Variants in ZFPM1 observed in about 807,000 individuals in gnomAD.
The protein encoded by ZFPM1 is zinc finger protein, FOG family member 1.
Under a neutral mutation model 46.3 loss-of-function variants are expected in ZFPM1, and 28 were observed. The ratio of observed to expected loss-of-function variants is 0.60; its 90% CI spans 0.45 to 0.83. The LOEUF (loss-of-function observed/expected upper bound fraction) is 0.83. Among genes scored for constraint, ZFPM1 ranks in the 40% least tolerant of loss-of-function variants. ZFPM1 has a pLI of 0.00. For missense variants in ZFPM1, 1,878 were observed against 1,432.4 expected (o/e 1.31, Z -5.02); for synonymous variants, 957 against 675.9 (o/e 1.42, Z -6.45).
intron 4 of ZFPM1, among the ~76,000 whole-genome samples, chr16:88,524,736 CCCCT>C (rs969156183): frequency 9.8e-5 from 15 of 152,302 alleles, no homozygotes; most frequent in African/African-American, 3.4e-4. Flanking sequence ...AGGACTGACC[CCCCT>C]GAGACTGCCC....
At position 88,535,000 on chromosome 16, in the gene ZFPM1, G is replaced by A. The variant is rs1468818412; in HGVS notation, c.*21G>A. 4 of 1,382,120 alleles carry A rather than the reference G, an allele frequency of 2.9e-6. No individual in the cohort carries two copies. In the Admixed American group the frequency reaches 9.8e-5, roughly 34 times the overall value. The allele number at this position is 1,382,120 out of a possible 1,614,324, so 85.6% of individuals were successfully genotyped here. ...AGTGAGCGCCCACACTACAGCCGCA[G>A]ACGCTTTGCACGCCCCGCTGCGATG... On this transcript the variant is annotated 3_prime_UTR_variant, in exon 10 of 10. Coordinates refer to ENST00000319555, the MANE Select transcript of ZFPM1 (RefSeq NM_153813.3).
intron 1 of ZFPM1, among the ~76,000 whole-genome samples, chr16:88,477,046 A>C (rs972438146): frequency 1.3e-5 from 2 of 150,290 alleles, no homozygotes; most frequent in Non-Finnish European, 3.0e-5. Flanking sequence ...GACCGGGGCC[A>C]CGCAGACCTT....
intron 1 of ZFPM1, among the ~76,000 whole-genome samples, chr16:88,484,004 G>A (rs927164059): frequency 6.6e-6 from 1 of 152,226 alleles, no homozygotes; most frequent in East Asian, 1.9e-4. Context: ...GACGCTGGCG[G>A]GTGGCACGTT....
At chr16:88,490,344 G>A (rs572030814) in intron 3 of ZFPM1, among the ~76,000 whole-genome samples, 4 of 152,340 alleles carry the variant, frequency 2.6e-5, no homozygotes, top group South Asian at 2.1e-4. Flanking sequence ...GAGCCACCAC[G>A]CCCGGCAGCA....
At position 88,525,090 on chromosome 16, in the gene ZFPM1, T is replaced by A. The variant is rs933874200; in HGVS notation, c.403-1724T>A. On this transcript the variant is annotated intron_variant, in intron 4 of 9. Coordinates refer to ENST00000319555, the MANE Select transcript of ZFPM1 (RefSeq NM_153813.3). ...TCACTGAACGTCCCAGCCCAAAGGC[T>A]GTATCTTGCTAGATTCCTGAGTGCC... 2.2e-4 allele frequency among the ~76,000 whole-genome samples: 33 copies of A among 152,262 alleles called. 1 individual carries two copies. The highest frequency in any genetic ancestry group is 7.2e-4 in the African/African-American group (30 of 41,470).
At chr16:88,472,850 A>G (rs1908488704) in intron 1 of ZFPM1, among the ~76,000 whole-genome samples, 1 of 152,190 alleles carries the variant, frequency 6.6e-6, no homozygotes, top group South Asian at 2.1e-4. Flanking sequence ...CCAGCATCCT[A>G]GGCTCCGCCT....
At chr16:88,526,752 G>C in intron 4 of ZFPM1, 62 bp from the exon 5 acceptor site, 9 of 1,518,712 alleles carry the variant, frequency 5.9e-6, no homozygotes, top group Non-Finnish European at 8.0e-6. Context: ...ACATACTCAC[G>C]GGAACCCCCA....
At chr16:88,498,842 T>C (rs1910089168) in intron 3 of ZFPM1, among the ~76,000 whole-genome samples, 1 of 152,182 alleles carries the variant, frequency 6.6e-6, no homozygotes, top group African/African-American at 2.4e-5. Context: ...GGCCTGACCC[T>C]GGGTCGTTGG....
rs770735933 is a variant in ZFPM1, at chr16:88,534,030, G to A, written c.2072G>A (p.Arg691His). Residue 691 changes from arginine (R) to histidine (H), a missense_variant, in exon 10 of 10, where the codon CGC becomes CAC. By Grantham distance (29) the Arg-to-His change is conservative. Transcript: ENST00000319555. ...ACGCTGTGCGAGGCCTGCAACATCCGCTTCAGCCGCCACGAGACCTACACC... is the reference window on the plus strand; with the variant it reads ...ACGCTGTGCGAGGCCTGCAACATCCACTTCAGCCGCCACGAGACCTACACC... Reference protein sequence around the residue: ...SRTLCEACNIRFSRHETYTVH... With the variant: ...SRTLCEACNIHFSRHETYTVH... 10 of 1,348,250 alleles carry A rather than the reference G, an allele frequency of 7.4e-6. No individual in the cohort carries two copies. The East Asian group carries it at 3.0e-4, about 40-fold the overall frequency. 83.5% of individuals were successfully genotyped at this position (1,348,250 alleles called of 1,614,324 possible). A position where few individuals can be genotyped will look rare whatever the true frequency, so the allele number is the denominator to read the frequency against.
At chr16:88,492,635 C>G (rs1567537198) in intron 3 of ZFPM1, among the ~76,000 whole-genome samples, 1 of 152,234 alleles carries the variant, frequency 6.6e-6, no homozygotes, top group Non-Finnish European at 1.5e-5. Context: ...CCGGTTAGAC[C>G]CATTTCCCAG....
At chr16:88,494,944 A>C (rs1439011066) in intron 3 of ZFPM1, among the ~76,000 whole-genome samples, 1 of 152,208 alleles carries the variant, frequency 6.6e-6, no homozygotes, top group African/African-American at 2.4e-5. Flanking sequence ...TTTATCTTTG[A>C]AATGACCTTG....
intron 4 of ZFPM1, among the ~76,000 whole-genome samples, chr16:88,516,831 G>A (rs2306424): frequency 0.085 from 12,950 of 152,206 alleles, 635 homozygotes; most frequent in South Asian, 0.15. Context: ...CAGATGCGAT[G>A]CTGTGACCCT....
At chr16:88,473,923 G>T (rs990939495) in intron 1 of ZFPM1, among the ~76,000 whole-genome samples, 1 of 152,216 alleles carries the variant, frequency 6.6e-6, no homozygotes, top group African/African-American at 2.4e-5. Flanking sequence ...TCCGCAAGGG[G>T]TTTAGTAATC....
intron 1 of ZFPM1, among the ~76,000 whole-genome samples, chr16:88,454,314 C>T (rs1209982394): frequency 6.6e-6 from 1 of 152,198 alleles, no homozygotes; most frequent in Non-Finnish European, 1.5e-5. Context: ...CTCCAGCCCC[C>T]CAGACACCCC....
chr16:88,535,266 T>C lies in ZFPM1; in HGVS notation c.*287T>C, dbSNP rs962646030. ...ACAGGCCACTGCGGCCCGGAGTGGCTGGGCCCCTGCCGGAGTTACACCACT... is the reference window on the plus strand; with the variant it reads ...ACAGGCCACTGCGGCCCGGAGTGGCCGGGCCCCTGCCGGAGTTACACCACT... On this transcript the variant is annotated 3_prime_UTR_variant, in exon 10 of 10. Transcript: ENST00000319555. 8 of 271,146 alleles carry C rather than the reference T, an allele frequency of 3.0e-5. 1 individual carries two copies. The highest frequency in any genetic ancestry group is 1.1e-4 in the Admixed American group (2 of 18,226). 16.8% of individuals were successfully genotyped at this position (271,146 alleles called of 1,614,324 possible).
chr16:88,533,051 T>TACCCC, intron 9 of ZFPM1, 97 bp from the exon 10 acceptor site: 8 of 1,351,598 alleles, frequency 5.9e-6, no homozygotes, highest in Non-Finnish European at 8.0e-6. Context: ...TCTAAACCAC[T>TACCCC]CCCGCCCACC....
intron 1 of ZFPM1, among the ~76,000 whole-genome samples, chr16:88,481,462 G>A (rs949959476): frequency 6.6e-6 from 1 of 151,340 alleles, no homozygotes; most frequent in African/African-American, 2.4e-5. Context: ...CCGTGGACAG[G>A]GCAGCTCGCA....
chr16:88,452,127 AGTACG>A (rs1232513152), upstream of ZFPM1, among the ~76,000 whole-genome samples: 1 of 152,136 alleles, frequency 6.6e-6, no homozygotes, highest in Admixed American at 6.5e-5. Flanking sequence ...GTTTCTTATG[AGTACG>A]GGGGATGGGG....
intron 3 of ZFPM1, 162 bp downstream of exon 3, chr16:88,489,315 T>C: frequency 8.5e-6 from 10 of 1,178,756 alleles, no homozygotes; most frequent in Non-Finnish European, 1.1e-5. Context: ...CCCGTGCAGC[T>C]GGTGGTATCA....
Sources: gnomAD v4.1 joint callset for allele counts (sites outside exome capture counted in the v4.1 genomes callset) on GRCh38, gnomAD v4.1.1 for gene constraint, MANE v1.5 for transcripts, NCBI Gene and HGNC (gene_info 2026-07-23, HGNC 2026-07-21) for gene names.